WNK3: variants seen among roughly 807,000 people sequenced by gnomAD.
The protein encoded by WNK3 is serine/threonine-protein kinase WNK3.
In WNK3, 18 loss-of-function variants were observed where a neutral mutation model predicts 116.7. That is an observed-to-expected ratio of 0.15 (90% CI 0.11 to 0.23). The LOEUF (loss-of-function observed/expected upper bound fraction) is 0.23. WNK3 is among the 10% of genes least tolerant of loss of function. The pLI, the probability that WNK3 is intolerant of heterozygous loss-of-function variation, is 1.00. For synonymous variants in WNK3, 404 were observed against 469.4 expected (o/e 0.86, Z 1.80); for missense variants, 993 against 1,323.8 (o/e 0.75, Z 3.88).
intron 1 of WNK3, among the ~76,000 whole-genome samples, chrX:54,334,337 C>T (rs1557175002): frequency 1.8e-5 from 2 of 111,510 alleles, no homozygotes; most frequent in African/African-American, 6.5e-5. Flanking sequence ...TTTAATCATC[C>T]CAAATTGAAA....
chrX:54,275,413 ATATGTGTGTGTG>A (rs1199532585), intron 10 of WNK3, among the ~76,000 whole-genome samples: 15 of 58,338 alleles, frequency 2.6e-4, no homozygotes, highest in African/African-American at 9.3e-4. Context: ...GTATAAGTTC[ATATGTGTGTGTG>A]TGTGTGTGTG....
chrX:54,343,859 C>T (rs2069366797), intron 1 of WNK3, among the ~76,000 whole-genome samples: 1 of 109,796 alleles, frequency 9.1e-6, no homozygotes, highest in Non-Finnish European at 1.9e-5. Flanking sequence ...TGAGGTCAAG[C>T]CACATTGCCC....
chrX:54,251,667 C>T, exon 14 of WNK3: 1 of 1,210,734 alleles, frequency 8.3e-7, no homozygotes, highest in Non-Finnish European at 1.1e-6. Flanking sequence ...TCTCACTTTC[C>T]AGCACAAAGT....
At chrX:54,302,999 TG>T (rs1557167953) in intron 5 of WNK3, among the ~76,000 whole-genome samples, 1 of 94,791 alleles carries the variant, frequency 1.1e-5, no homozygotes. Flanking sequence ...CTTGAATTCC[TG>T]GGCTCAAACA....
chrX:54,348,340 C>T (rs1193756049), intron 1 of WNK3, among the ~76,000 whole-genome samples: 3 of 110,567 alleles, frequency 2.7e-5, no homozygotes, highest in Non-Finnish European at 3.8e-5. Context: ...CCATGCCTGG[C>T]TAATTTTTGT....
intron 1 of WNK3, among the ~76,000 whole-genome samples, chrX:54,340,290 T>C (rs1187320505): frequency 9.0e-6 from 1 of 111,212 alleles, no homozygotes; most frequent in African/African-American, 3.3e-5. Flanking sequence ...ATATATGTGA[T>C]AGGGGATGGT....
chrX:54,348,210 T>C (rs1055831997), intron 1 of WNK3, among the ~76,000 whole-genome samples: 2 of 110,407 alleles, frequency 1.8e-5, no homozygotes, highest in African/African-American at 6.6e-5. Flanking sequence ...ACAGTCTCGC[T>C]CTGTCATCCA....
chrX:54,275,994 C>T (rs1557160666), intron 10 of WNK3, among the ~76,000 whole-genome samples: 6 of 110,579 alleles, frequency 5.4e-5, no homozygotes, highest in Non-Finnish European at 1.9e-5. Flanking sequence ...AAGACATAGC[C>T]ATCCTAAACG....
intron 22 of WNK3, among the ~76,000 whole-genome samples, chrX:54,222,690 G>A (rs1557146781): frequency 1.9e-5 from 2 of 107,938 alleles, no homozygotes; most frequent in African/African-American, 6.7e-5. Context: ...CAACCTGGCC[G>A]ATGTGGCAAA....
At chrX:54,315,323 GACTT>G (rs1470190302) in intron 2 of WNK3, among the ~76,000 whole-genome samples, 4 of 95,578 alleles carry the variant, frequency 4.2e-5, no homozygotes, top group Admixed American at 2.3e-4. Flanking sequence ...AAAAAAAAAA[GACTT>G]AATCACCCCT....
At chrX:54,273,467 G>A (rs782350516) in intron 10 of WNK3, among the ~76,000 whole-genome samples, 1 of 111,464 alleles carries the variant, frequency 9.0e-6, no homozygotes, top group South Asian at 3.7e-4. Context: ...GCTTGAACCC[G>A]GAAGGCGGAG....
At chrX:54,292,502 C>T (rs961804961) in intron 10 of WNK3, among the ~76,000 whole-genome samples, 1 of 109,823 alleles carries the variant, frequency 9.1e-6, no homozygotes, top group African/African-American at 3.3e-5. Flanking sequence ...GTCGGGAGTT[C>T]GAGACCAACC....
At chrX:54,331,946 C>T (rs1203172878) in intron 2 of WNK3, among the ~76,000 whole-genome samples, 1 of 111,669 alleles carries the variant, frequency 9.0e-6, no homozygotes, top group African/African-American at 3.2e-5. Flanking sequence ...CCTACACTCA[C>T]GGAGACCACT....
intron 4 of WNK3, among the ~76,000 whole-genome samples, chrX:54,308,383 G>A (rs914682817): frequency 9.9e-4 from 109 of 109,795 alleles, no homozygotes; most frequent in Non-Finnish European, 1.7e-3. Context: ...GTAGAGACGG[G>A]GTTTCACCAT....
intron 22 of WNK3, among the ~76,000 whole-genome samples, chrX:54,213,361 C>T (rs1213421882): frequency 6.5e-5 from 7 of 107,374 alleles, no homozygotes; most frequent in East Asian, 5.8e-4. Context: ...AAGACCAGCC[C>T]GGTCAACATG....
intron 2 of WNK3, among the ~76,000 whole-genome samples, chrX:54,325,679 CAAAAAAAAAA>C (rs57064020): frequency 1.8e-4 from 2 of 11,311 alleles, no homozygotes; most frequent in South Asian, 8.4e-3. Flanking sequence ...AACTCCCTCT[CAAAAAAAAAA>C]AAAAAAAAAA....
chrX:54,255,652 T>A (rs909378110), intron 12 of WNK3, 88 bp downstream of exon 12: 1 of 893,199 alleles, frequency 1.1e-6, no homozygotes, highest in Non-Finnish European at 1.5e-6. Flanking sequence ...TCTCGCAATA[T>A]TCTACAACTC....
At chrX:54,312,337 A>G (rs2068896344) in intron 2 of WNK3, among the ~76,000 whole-genome samples, 1 of 111,535 alleles carries the variant, frequency 9.0e-6, no homozygotes, top group African/African-American at 3.3e-5. Context: ...AAAAAATTAA[A>G]TTAAAATAAC....
At chrX:54,217,354 C>T (rs1002702421) in intron 22 of WNK3, among the ~76,000 whole-genome samples, 14 of 102,053 alleles carry the variant, frequency 1.4e-4, no homozygotes, top group African/African-American at 1.8e-4. Flanking sequence ...GTGGGCCAGG[C>T]GCGGTGGCTC....
Sources: allele counts gnomAD v4.1 joint callset (sites outside exome capture counted in the v4.1 genomes callset), GRCh38; gene constraint gnomAD v4.1.1; transcripts MANE v1.5; gene names NCBI Gene and HGNC (gene_info 2026-07-23, HGNC 2026-07-21).